SCN9A: variants seen among roughly 807,000 people sequenced by gnomAD.
The protein encoded by SCN9A is sodium voltage-gated channel alpha subunit 9.
Under a neutral mutation model 187.0 loss-of-function variants are expected in SCN9A, and 131 were observed. The ratio of observed to expected loss-of-function variants is 0.70; its 90% CI spans 0.61 to 0.81. The LOEUF (loss-of-function observed/expected upper bound fraction) is 0.81, where lower values mean the gene tolerates loss of function less well. SCN9A is among the 30% of genes least tolerant of loss of function. SCN9A has a pLI of 0.00. For synonymous variants in SCN9A, 809 were observed against 808.6 expected, an observed-to-expected ratio of 1.00 and a Z score of -0.01; for missense variants, 2,252 against 2,396.6, an observed-to-expected ratio of 0.94 and a Z score of 1.26.
Position 166,293,487 on chromosome 2 carries a change from G to T in SCN9A, c.966-115C>A. 5.8e-6 allele frequency: 5 copies of T among 866,908 alleles called. No individual in the cohort carries two copies. The South Asian group carries it at 1.1e-4, about 19-fold the overall frequency. The allele number at this position is 866,908 out of a possible 1,614,324, so 53.7% of individuals were successfully genotyped here. A position where few individuals can be genotyped will look rare whatever the true frequency, so the allele number is the denominator to read the frequency against. ...TCTATAGGGGGACAATATTGAATAA[G>T]GATTAAGAATACATGATTTGGCTAC... is the stretch of plus-strand genomic sequence containing the variant. On this transcript the variant is annotated intron_variant, in intron 8 of 26. Coordinates refer to ENST00000642356, the MANE Select transcript of SCN9A (RefSeq NM_001365536.1).
intron 17 of SCN9A, among the ~76,000 whole-genome samples, chr2:166,266,894 G>T (rs1037693073): frequency 6.6e-6 from 1 of 151,676 alleles, no homozygotes. Context: ...ATTTTTGCAT[G>T]TTGATTTTGT....
intron 17 of SCN9A, among the ~76,000 whole-genome samples, chr2:166,254,124 G>A (rs1331311237): frequency 2.0e-5 from 3 of 151,046 alleles, no homozygotes; most frequent in Admixed American, 6.6e-5. Context: ...TTTTTTTAAT[G>A]GTCAATTGAA....
At chr2:166,354,361 T>G (rs1700105346) in intron 1 of SCN9A, among the ~76,000 whole-genome samples, 1 of 151,964 alleles carries the variant, frequency 6.6e-6, no homozygotes, top group South Asian at 2.1e-4. Flanking sequence ...AGCTTTTTTT[T>G]TCCCCAGCCA....
chr2:166,237,794 C>T (rs930070804), intron 20 of SCN9A, among the ~76,000 whole-genome samples: 1 of 152,074 alleles, frequency 6.6e-6, no homozygotes, highest in Non-Finnish European at 1.5e-5. Context: ...ACAAGAATGA[C>T]ATTCAAATCA....
chr2:166,363,680 A>G (rs932892364), intron 1 of SCN9A, among the ~76,000 whole-genome samples: 11 of 152,066 alleles, frequency 7.2e-5, no homozygotes, highest in Admixed American at 2.0e-4. Flanking sequence ...TACGAATTAT[A>G]TAGGAATTTT....
At chr2:166,221,893 T>C (rs1336535797) in intron 24 of SCN9A, among the ~76,000 whole-genome samples, 1 of 152,108 alleles carries the variant, frequency 6.6e-6, no homozygotes, top group African/African-American at 2.4e-5. Flanking sequence ...ACAAATAATG[T>C]TGGGAAAACT....
chr2:166,318,558 A>G (rs1367802947), intron 1 of SCN9A, among the ~76,000 whole-genome samples: 3 of 151,304 alleles, frequency 2.0e-5, no homozygotes, highest in Non-Finnish European at 4.4e-5. Context: ...ATTTGAGGAG[A>G]CAGAGTATCT....
intron 1 of SCN9A, among the ~76,000 whole-genome samples, chr2:166,353,368 A>C (rs1396401238): frequency 6.6e-6 from 1 of 152,146 alleles, no homozygotes; most frequent in Non-Finnish European, 1.5e-5. Flanking sequence ...GAAATTTGAT[A>C]ATCTTCCCAT....
At position 166,228,876 on chromosome 2, in the gene SCN9A, T is replaced by G. The variant is rs777811075; in HGVS notation, c.4021A>C (p.Asn1341His). ...TCATAGAACTTGCCAGCAAACAAAT[T>G]TACTCCCATGATGCTGAATATCAGC... Reference protein sequence around the residue: ...FWLIFSIMGVNLFAGKFYECI... With the variant: ...FWLIFSIMGVHLFAGKFYECI... The change falls in exon 22 of 27, where the codon AAT becomes CAT. Residue 1341 changes from asparagine (N) to histidine (H), a missense_variant. Transcript: ENST00000642356. 3.1e-6 allele frequency: 5 copies of G among 1,613,522 alleles called. No homozygotes were observed. In the African/African-American group the frequency reaches 5.3e-5, roughly 17 times the overall value.
intron 1 of SCN9A, among the ~76,000 whole-genome samples, chr2:166,341,038 T>G (rs1016743734): frequency 6.6e-6 from 1 of 152,226 alleles, no homozygotes. Flanking sequence ...ATTGATATAC[T>G]AAAGTATTTT....
intron 10 of SCN9A, among the ~76,000 whole-genome samples, 171 bp from the exon 11 acceptor site, chr2:166,286,794 A>G (rs1697770016): frequency 6.6e-6 from 1 of 152,196 alleles, no homozygotes; most frequent in Non-Finnish European, 1.5e-5. Context: ...TACAAAGTAT[A>G]TATTTGGTTT....
chr2:166,213,490 A>AATG (rs1553476068), intron 24 of SCN9A, among the ~76,000 whole-genome samples: 1 of 147,584 alleles, frequency 6.8e-6, no homozygotes, highest in Non-Finnish European at 1.5e-5. Flanking sequence ...TAATAATAAT[A>AATG]ATAATGATAA....
chr2:166,371,873 T>C (rs1295900336), intron 1 of SCN9A, among the ~76,000 whole-genome samples: 1 of 152,166 alleles, frequency 6.6e-6, no homozygotes, highest in East Asian at 1.9e-4. Context: ...AGTGAAATAA[T>C]TTAGTCCTTC....
chr2:166,274,821 A>T (rs1697161405), intron 16 of SCN9A, among the ~76,000 whole-genome samples: 1 of 152,202 alleles, frequency 6.6e-6, no homozygotes, highest in South Asian at 2.1e-4. Context: ...AGTGTCCATG[A>T]TCAAATATTA....
intron 9 of SCN9A, among the ~76,000 whole-genome samples, chr2:166,290,959 T>A (rs1698039654): frequency 1.3e-5 from 2 of 152,086 alleles, no homozygotes; most frequent in South Asian, 4.1e-4. Context: ...TTATGAAAAC[T>A]CCATAGCCAA....
chr2:166,341,842 A>C (rs1699792453), intron 1 of SCN9A, among the ~76,000 whole-genome samples: 1 of 152,232 alleles, frequency 6.6e-6, no homozygotes, highest in African/African-American at 2.4e-5. Context: ...CAAGGAAGCC[A>C]AGCCATATTC....
intron 17 of SCN9A, among the ~76,000 whole-genome samples, chr2:166,265,463 G>T (rs1229562850): frequency 1.3e-5 from 2 of 151,796 alleles, no homozygotes; most frequent in East Asian, 3.9e-4. Flanking sequence ...GATCATTTAG[G>T]TTAATATGAT....
At chr2:166,295,947 A>G (rs1266085612) in intron 7 of SCN9A, 1 of 152,188 alleles carries the variant, frequency 6.6e-6, no homozygotes, top group Non-Finnish European at 1.5e-5. Context: ...TAAATGTTTA[A>G]ATGACTAAAA....
chr2:166,286,487 T>G lies in SCN9A; in HGVS notation c.1451A>C (p.Asn484Thr). 1 of 1,613,782 alleles carries G rather than the reference T, an allele frequency of 6.2e-7. No homozygotes were observed. Among genetic ancestry groups the G allele is most frequent in the Non-Finnish European group, 8.5e-7 (1 of 1,179,820 alleles). Residue 484 changes from asparagine (N) to threonine (T), a missense_variant, in exon 11 of 27, where the codon AAT (asparagine) becomes ACT (threonine). Physicochemically the swap from Asn to Thr is moderately conservative, Grantham distance 65 (BLOSUM62 0). This residue lies in a region of SCN9A where 1,013 missense variants were observed against 997.4 expected (regional missense o/e 1.02). Coordinates refer to ENST00000642356, the MANE Select transcript of SCN9A (RefSeq NM_001365536.1). ...KERRNRRKKKNQKKLSSGEEK... is the reference protein window; with the variant it reads ...KERRNRRKKKTQKKLSSGEEK... ...CTCTCCACTGGAGAGCTTCTTTTGA[T>G]TCTTTTTCTTTCTTCTGTTTCTTCT... is the stretch of plus-strand genomic sequence containing the variant.
Sources: gnomAD v4.1 joint callset for allele counts (sites outside exome capture counted in the v4.1 genomes callset) on GRCh38, gnomAD v4.1.1 for gene constraint, gnomAD v4.1.1 regional missense constraint, MANE v1.5 for transcripts, NCBI Gene and HGNC (gene_info 2026-07-23, HGNC 2026-07-21) for gene names.